The following APBB2 variants were observed in gnomAD, a reference collection of about 807,000 sequenced individuals.
APBB2 encodes Fe65-like 1.
A neutral mutation model predicts 82.5 loss-of-function variants in APBB2; 38 were observed. That is an observed-to-expected ratio of 0.46 (90% CI 0.36 to 0.60). The LOEUF is 0.60. Ranked by LOEUF, APBB2 falls within the 20% of genes least tolerant of loss-of-function variation. The pLI, the probability that APBB2 is intolerant of heterozygous loss-of-function variation, is 0.00. For synonymous variants in APBB2, 341 were observed against 368.2 expected (o/e 0.93, Z 0.85); for missense variants, 772 against 972.3 (o/e 0.79, Z 2.74).
At chr4:40,986,578 G>A (rs1800469635) in intron 6 of APBB2, among the ~76,000 whole-genome samples, 1 of 152,184 alleles carries the variant, frequency 6.6e-6, no homozygotes, top group Admixed American at 6.5e-5. Context: ...AGCTGGGAAC[G>A]AGGCCACTAG....
At chr4:40,899,527 G>T (rs1774664239) in intron 10 of APBB2, among the ~76,000 whole-genome samples, 1 of 152,142 alleles carries the variant, frequency 6.6e-6, no homozygotes, top group African/African-American at 2.4e-5. Context: ...ATGGTCTTGG[G>T]TTCGAATTAT....
intron 10 of APBB2, among the ~76,000 whole-genome samples, chr4:40,923,644 T>C (rs1781891088): frequency 6.6e-6 from 1 of 152,220 alleles, no homozygotes; most frequent in Non-Finnish European, 1.5e-5. Context: ...CTGGTGCCCA[T>C]TTCCTCACCT....
Position 41,014,206 on chromosome 4 carries a change from G to T in APBB2, c.212C>A (p.Ala71Glu). ...CATGGCCGCCTGGATGTTAGTTAGT[G>T]CATATTTTTTCCTGCATTTGGGAGG... Reference protein sequence around the residue: ...STPPKCRKKYALTNIQAAMGL... With the variant: ...STPPKCRKKYELTNIQAAMGL... Residue 71 changes from alanine (A) to glutamate (E), a missense_variant, in exon 6 of 18, where the codon GCA (alanine) becomes GAA (glutamate). By Grantham distance (107) the Ala-to-Glu change is moderately radical. Transcript: ENST00000508593. 6.2e-7 allele frequency: 1 copy of T among 1,614,196 alleles called. No individual in the cohort carries two copies. Among genetic ancestry groups the T allele is most frequent in the Non-Finnish European group, 8.5e-7 (1 of 1,180,038 alleles).
intron 6 of APBB2, among the ~76,000 whole-genome samples, chr4:40,995,372 G>T (rs750262354): frequency 6.6e-6 from 1 of 151,824 alleles, no homozygotes; most frequent in Non-Finnish European, 1.5e-5. Flanking sequence ...AAGTCCATCC[G>T]TCAGAAATGG....
rs1745007656 is a variant in APBB2 at position 40,814,084 on chromosome 4, T to G, written c.*2008A>C. On this transcript the variant is annotated 3_prime_UTR_variant, in exon 18 of 18. Coordinates refer to ENST00000508593, the MANE Select transcript of APBB2 (RefSeq NM_004307.2). ...GCAGGTAGAAAAGCCACCCACTCATTCCATCATGATCTCTGGTGGCTAAGT... is the reference window on the plus strand; with the variant it reads ...GCAGGTAGAAAAGCCACCCACTCATGCCATCATGATCTCTGGTGGCTAAGT... 6.6e-6 allele frequency: 1 copy of G among 152,186 alleles called. No individual in the cohort carries two copies. The highest frequency in any genetic ancestry group is 2.1e-4 in the South Asian group (1 of 4,830). 9.4% of individuals were successfully genotyped at this position (152,186 alleles called of 1,614,324 possible).
chr4:40,874,296 A>T (rs1766287442), intron 12 of APBB2, among the ~76,000 whole-genome samples: 1 of 152,226 alleles, frequency 6.6e-6, no homozygotes, highest in Non-Finnish European at 1.5e-5. Flanking sequence ...TTTGAGAGAC[A>T]ATATTTTCTA....
intron 2 of APBB2, among the ~76,000 whole-genome samples, chr4:41,112,351 C>T (rs1050316206): frequency 1.5e-4 from 23 of 152,204 alleles, no homozygotes; most frequent in African/African-American, 5.3e-4. Flanking sequence ...GCAACAATTC[C>T]AGGGACTTGC....
chr4:41,181,878 G>A (rs1453975095), intron 1 of APBB2, among the ~76,000 whole-genome samples: 1 of 151,114 alleles, frequency 6.6e-6, no homozygotes. Context: ...CCTGGGAGGT[G>A]GAGATTGCGG....
chr4:41,100,348 TTTGATGTTTAATCAC>T (rs1744933062), intron 3 of APBB2, among the ~76,000 whole-genome samples: 1 of 152,232 alleles, frequency 6.6e-6, no homozygotes, highest in Admixed American at 6.5e-5. Flanking sequence ...TTGCCTTGTA[TTTGATGTTTAATCAC>T]TTGCAAATCT....
Position 40,893,415 on chromosome 4 carries a change from G to GTC in APBB2, c.1255-5_1255-4insGA, listed in dbSNP as rs1772662943. On this transcript the variant is annotated splice_region_variant and splice_polypyrimidine_tract_variant and intron_variant, in intron 10 of 17. Coordinates refer to ENST00000508593, the MANE Select transcript of APBB2 (RefSeq NM_004307.2). ...CCAGAGAACGCACAGCAAAACACTG[G>GTC]AAGACAGTGAAAGAGGACAAGAAGT... is the stretch of plus-strand genomic sequence containing the variant. 1.2e-6 allele frequency: 2 copies of GTC among 1,605,320 alleles called. No individual in the cohort carries two copies. The highest frequency in any genetic ancestry group is 1.7e-6 in the Non-Finnish European group (2 of 1,175,026).
At position 40,963,258 on chromosome 4, in the gene APBB2, T is replaced by G. The variant is rs185849739; in HGVS notation, c.836-18185A>C. On this transcript the variant is annotated intron_variant, in intron 6 of 17. Coordinates refer to ENST00000508593, the MANE Select transcript of APBB2 (RefSeq NM_004307.2). ...TTTCTTTTTTTCTTCCTTTCTTTTT[T>G]TTTTGAGACAGGGTATTGCTCTCTG... 1.5e-3 allele frequency among the ~76,000 whole-genome samples: 230 copies of G among 152,288 alleles called. 1 individual carries two copies. The highest frequency in any genetic ancestry group is 5.2e-3 in the African/African-American group (215 of 41,556).
chr4:41,212,861 G>A (rs1779669735), intron 1 of APBB2, among the ~76,000 whole-genome samples: 2 of 152,196 alleles, frequency 1.3e-5, no homozygotes. Flanking sequence ...CATCCTTCAC[G>A]AACGATGCCA....
At chr4:40,911,032 T>A (rs986216998) in intron 10 of APBB2, among the ~76,000 whole-genome samples, 2 of 152,268 alleles carry the variant, frequency 1.3e-5, no homozygotes, top group Admixed American at 6.5e-5. Flanking sequence ...AATTCCTGTA[T>A]GACACACGGC....
At chr4:41,136,577 A>G (rs773817598) in intron 2 of APBB2, among the ~76,000 whole-genome samples, 1 of 152,180 alleles carries the variant, frequency 6.6e-6, no homozygotes, top group Non-Finnish European at 1.5e-5. Flanking sequence ...TTGAAATGAG[A>G]AGATTACGAA....
intron 7 of APBB2, among the ~76,000 whole-genome samples, chr4:40,944,196 A>T (rs58104661): frequency 0.23 from 35,056 of 152,182 alleles, 4,914 homozygotes; most frequent in East Asian, 0.5. Context: ...TCTCTTGAAC[A>T]GTTTGCTTTC....
intron 4 of APBB2, among the ~76,000 whole-genome samples, chr4:41,059,007 G>A (rs1391784413): frequency 6.6e-6 from 1 of 152,168 alleles, no homozygotes; most frequent in Non-Finnish European, 1.5e-5. Flanking sequence ...ATCAGAACAT[G>A]AGACAGGCTT....
intron 10 of APBB2, among the ~76,000 whole-genome samples, chr4:40,913,058 G>A (rs974676015): frequency 2.0e-5 from 3 of 152,182 alleles, no homozygotes; most frequent in South Asian, 2.1e-4. Context: ...GAGGAAAATC[G>A]GAATGCACAC....
intron 2 of APBB2, among the ~76,000 whole-genome samples, chr4:41,118,994 C>T (rs1418100149): frequency 6.6e-6 from 1 of 152,026 alleles, no homozygotes; most frequent in Non-Finnish European, 1.5e-5. Flanking sequence ...CAAAAATTAG[C>T]CAGGCGTTGT....
chr4:41,197,316 C>T, intron 1 of APBB2, among the ~76,000 whole-genome samples: 1 of 152,164 alleles, frequency 6.6e-6, no homozygotes, highest in Non-Finnish European at 1.5e-5. Context: ...ACAGGAATCA[C>T]TGAACTGAAC....
Sources: allele counts gnomAD v4.1 joint callset (sites outside exome capture counted in the v4.1 genomes callset), GRCh38; gene constraint gnomAD v4.1.1; transcripts MANE v1.5; gene names NCBI Gene and HGNC (gene_info 2026-07-23, HGNC 2026-07-21).